Variants in CPQ observed in about 807,000 individuals in gnomAD.
The protein encoded by CPQ is Ser-Met dipeptidase.
In CPQ, 37 loss-of-function variants were observed where a neutral mutation model predicts 45.7. The ratio of observed to expected loss-of-function variants is 0.81; its 90% CI spans 0.62 to 1.07. CPQ has a LOEUF of 1.07. CPQ is among the 50% of genes least tolerant of loss of function. CPQ has a pLI of 0.00. For missense variants in CPQ, 537 were observed against 572.9 expected (o/e 0.94, Z 0.64); for synonymous variants, 186 against 205.8 (o/e 0.90, Z 0.82).
chr8:97,059,709 T>G (rs1435730464), intron 6 of CPQ, among the ~76,000 whole-genome samples: 5 of 152,156 alleles, frequency 3.3e-5, no homozygotes, highest in African/African-American at 1.2e-4. Flanking sequence ...CTGGCAGAAC[T>G]GCAAAACAGG....
intron 1 of CPQ, among the ~76,000 whole-genome samples, chr8:96,775,511 A>G (rs1389753939): frequency 3.9e-5 from 6 of 152,156 alleles, no homozygotes; most frequent in Non-Finnish European, 7.4e-5. Context: ...CACAGGCAGC[A>G]TATTCATTTG....
At chr8:97,067,922 G>C (rs1810666834) in intron 7 of CPQ, among the ~76,000 whole-genome samples, 1 of 152,122 alleles carries the variant, frequency 6.6e-6, no homozygotes, top group Non-Finnish European at 1.5e-5. Context: ...TTCTGAGCCT[G>C]AAATATTTCA....
chr8:96,758,591 G>A (rs1038161694), intron 1 of CPQ, among the ~76,000 whole-genome samples: 3 of 152,122 alleles, frequency 2.0e-5, no homozygotes, highest in Non-Finnish European at 4.4e-5. Flanking sequence ...ATGGGAGATG[G>A]GGGAGGCCCT....
At chr8:96,961,177 A>G (rs1024825600) in intron 4 of CPQ, among the ~76,000 whole-genome samples, 1 of 152,230 alleles carries the variant, frequency 6.6e-6, no homozygotes, top group Non-Finnish European at 1.5e-5. Context: ...GTGGATAAGA[A>G]TTCCTATTGC....
In CPQ at chr8:96,717,778, C is replaced by T. The variant is rs188747298; in HGVS notation, c.-34-67086C>T. 1.5e-3 allele frequency among the ~76,000 whole-genome samples: 231 copies of T among 152,214 alleles called. 3 individuals are homozygous for T. Among genetic ancestry groups the T allele is most frequent in the East Asian group, 9.9e-3 (51 of 5,150 alleles). On this transcript the variant is annotated intron_variant, in intron 1 of 7. Transcript: ENST00000220763. The stretch of plus-strand genomic sequence containing the variant: ...GGCAAGTATGTGTTCTGGCTCTCCA[C>T]GTGTGGGCACAAGCAGTGGCTCCAG...
At chr8:96,663,612 G>A (rs780363759) in intron 1 of CPQ, among the ~76,000 whole-genome samples, 10 of 152,324 alleles carry the variant, frequency 6.6e-5, no homozygotes, top group Admixed American at 4.6e-4. Context: ...GTTGTAAACC[G>A]TTTGTGCTTA....
chr8:96,773,599 C>T (rs1010876769), intron 1 of CPQ, among the ~76,000 whole-genome samples: 2 of 152,136 alleles, frequency 1.3e-5, no homozygotes, highest in African/African-American at 4.8e-5. Flanking sequence ...AGGGAAATAA[C>T]AAAGAATTAT....
intron 1 of CPQ, among the ~76,000 whole-genome samples, chr8:96,704,480 A>G (rs537337357): frequency 5.3e-5 from 8 of 152,172 alleles, no homozygotes; most frequent in Non-Finnish European, 1.2e-4. Context: ...TTAAGGAAAT[A>G]TGGATTGAGT....
At chr8:97,050,215 A>G (rs901076762) in intron 6 of CPQ, among the ~76,000 whole-genome samples, 1 of 152,172 alleles carries the variant, frequency 6.6e-6, no homozygotes, top group African/African-American at 2.4e-5. Context: ...TTCTGTGTAC[A>G]TCAAAATATA....
At chr8:97,131,461 A>C (rs1414283131) in intron 7 of CPQ, among the ~76,000 whole-genome samples, 1 of 152,136 alleles carries the variant, frequency 6.6e-6, no homozygotes, top group Non-Finnish European at 1.5e-5. Context: ...TTTAGATAGG[A>C]TTTTTTAGTA....
intron 1 of CPQ, among the ~76,000 whole-genome samples, chr8:96,654,508 G>A (rs1207160652): frequency 6.6e-6 from 1 of 152,098 alleles, no homozygotes; most frequent in Non-Finnish European, 1.5e-5. Flanking sequence ...ATAGAGTACT[G>A]TGTATAATGA....
chr8:96,649,027 G>C (rs1339002776), intron 1 of CPQ, among the ~76,000 whole-genome samples: 1 of 152,236 alleles, frequency 6.6e-6, no homozygotes, highest in Non-Finnish European at 1.5e-5. Flanking sequence ...TGTCACCCAG[G>C]CTGGAGTGCC....
chr8:96,699,493 G>A (rs944867623), intron 1 of CPQ, among the ~76,000 whole-genome samples: 10 of 152,006 alleles, frequency 6.6e-5, no homozygotes, highest in African/African-American at 2.4e-4. Flanking sequence ...AGTATAATTG[G>A]ATTACTTGTT....
chr8:96,994,318 C>A (rs202133195), intron 5 of CPQ, among the ~76,000 whole-genome samples: 1 of 151,992 alleles, frequency 6.6e-6, no homozygotes, highest in East Asian at 1.9e-4. Context: ...TACTAGTATG[C>A]AGAAAATCAT....
At chr8:97,002,195 A>G (rs993221905) in intron 5 of CPQ, among the ~76,000 whole-genome samples, 1 of 151,746 alleles carries the variant, frequency 6.6e-6, no homozygotes, top group Admixed American at 6.6e-5. Context: ...TATTTTATTA[A>G]TTTCTTCAAA....
At chr8:96,979,935 A>G (rs1813860042) in intron 5 of CPQ, among the ~76,000 whole-genome samples, 1 of 152,108 alleles carries the variant, frequency 6.6e-6, no homozygotes, top group African/African-American at 2.4e-5. Context: ...TTCAGACTAC[A>G]TGTGACCCAG....
intron 4 of CPQ, among the ~76,000 whole-genome samples, chr8:96,941,793 T>C (rs2130324161): frequency 6.6e-6 from 1 of 152,316 alleles, no homozygotes; most frequent in Middle Eastern, 3.4e-3. Context: ...TTTGTGATTT[T>C]ATTTGATGAG....
At chr8:96,717,148 T>A (rs1809693588) in intron 1 of CPQ, among the ~76,000 whole-genome samples, 1 of 144,376 alleles carries the variant, frequency 6.9e-6, no homozygotes, top group African/African-American at 2.6e-5. Context: ...TTGGGGCTGT[T>A]ACATATTTTT....
At chr8:96,913,516 C>T (rs577575839) in intron 4 of CPQ, among the ~76,000 whole-genome samples, 1 of 152,298 alleles carries the variant, frequency 6.6e-6, no homozygotes, top group South Asian at 2.1e-4. Context: ...ATGGATTGGA[C>T]TCTCCTCTAT....
Sources: allele counts gnomAD v4.1 joint callset (sites outside exome capture counted in the v4.1 genomes callset), GRCh38; gene constraint gnomAD v4.1.1; transcripts MANE v1.5; gene names NCBI Gene and HGNC (gene_info 2026-07-23, HGNC 2026-07-21).